KCNH1: variants seen among roughly 807,000 people sequenced by gnomAD.
KCNH1 encodes the protein potassium voltage-gated channel subfamily H member 1, also known as voltage-gated delayed rectifier potassium channel KCNH1.
A neutral mutation model predicts 69.2 loss-of-function variants in KCNH1; 27 were observed. That is an observed-to-expected ratio of 0.39 (90% CI 0.29 to 0.54). The LOEUF (loss-of-function observed/expected upper bound fraction) is 0.54, where lower values mean the gene tolerates loss of function less well. Ranked by LOEUF, KCNH1 falls within the 20% of genes least tolerant of loss-of-function variation. The probability of loss-of-function intolerance (pLI) is 0.68; values close to 1 mark genes in which losing one functional copy is unlikely to be tolerated. For missense variants in KCNH1, 798 were observed against 1,261.6 expected, an observed-to-expected ratio of 0.63 and a Z score of 5.57; for synonymous variants, 456 against 487.7, an observed-to-expected ratio of 0.93 and a Z score of 0.86.
chr1:211,133,741 C>T lies in KCNH1; in HGVS notation c.79+126G>A. Reference sequence around the variant, plus strand: ...CCTCGGGGAGGCTGCCCTGGGTGCCCGCGCCGCGGCTCCTTAGCAGAGCTC... The same window carrying T: ...CCTCGGGGAGGCTGCCCTGGGTGCCTGCGCCGCGGCTCCTTAGCAGAGCTC... On this transcript the variant is annotated intron_variant, in intron 1 of 10. Transcript: ENST00000271751. This position sits in a 1 kb window ranked among gnomAD's most constrained non-coding sequence, Gnocchi z 5.4. 1.2e-6 allele frequency: 1 copy of T among 855,810 alleles called. No homozygotes were observed. The highest frequency in any genetic ancestry group is 1.7e-5 in the African/African-American group (1 of 57,454). 53.0% of individuals were successfully genotyped at this position (855,810 alleles called of 1,614,324 possible). A position where few individuals can be genotyped will look rare whatever the true frequency, so the allele number is the denominator to read the frequency against.
chr1:211,049,206 A>G (rs1197445732), intron 5 of KCNH1, among the ~76,000 whole-genome samples: 2 of 152,238 alleles, frequency 1.3e-5, no homozygotes, highest in Non-Finnish European at 2.9e-5. Context: ...TTATTAAAAT[A>G]TAATGCAACA....
chr1:210,791,819 C>G (rs1460921444), intron 9 of KCNH1, among the ~76,000 whole-genome samples: 2 of 152,052 alleles, frequency 1.3e-5, no homozygotes, highest in Non-Finnish European at 2.9e-5. Flanking sequence ...CAGTAATATC[C>G]AAATAAGGTC....
At chr1:210,879,325 T>C (rs1394218820) in intron 7 of KCNH1, among the ~76,000 whole-genome samples, 4 of 152,016 alleles carry the variant, frequency 2.6e-5, no homozygotes, top group African/African-American at 9.7e-5. Context: ...AGTACACTTC[T>C]ATATCTCTCA....
intron 5 of KCNH1, among the ~76,000 whole-genome samples, chr1:211,073,169 A>G (rs1690677564): frequency 6.6e-6 from 1 of 152,218 alleles, no homozygotes; most frequent in Non-Finnish European, 1.5e-5. Flanking sequence ...AATTCTCAAA[A>G]AAGACATAAT....
chr1:210,915,134 ATTC>A (rs1330052285), intron 7 of KCNH1, among the ~76,000 whole-genome samples: 3 of 152,086 alleles, frequency 2.0e-5, no homozygotes, highest in African/African-American at 4.8e-5. Context: ...TCCCCTGACA[ATTC>A]TTCTTCCTTT....
At chr1:211,050,260 TAAAAAAAAAAAAAAA>T (rs747498526) in intron 5 of KCNH1, among the ~76,000 whole-genome samples, 1 of 58,574 alleles carries the variant, frequency 1.7e-5, no homozygotes, top group African/African-American at 7.1e-5. Flanking sequence ...CACACATTCT[TAAAAAAAAAAAAAAA>T]AAAAAAAAAA....
At chr1:210,783,956 T>C (rs1434150345) in intron 9 of KCNH1, among the ~76,000 whole-genome samples, 1 of 152,216 alleles carries the variant, frequency 6.6e-6, no homozygotes, top group Non-Finnish European at 1.5e-5. Context: ...TGAGCTTCCA[T>C]GTGTCTAATG....
At chr1:210,823,822 G>A (rs748093118) in intron 7 of KCNH1, among the ~76,000 whole-genome samples, 2 of 152,090 alleles carry the variant, frequency 1.3e-5, no homozygotes, top group African/African-American at 2.4e-5. Context: ...AGGCCTGAGC[G>A]CTTTATTACT....
At chr1:210,875,070 A>G (rs1686337743) in intron 7 of KCNH1, among the ~76,000 whole-genome samples, 1 of 152,234 alleles carries the variant, frequency 6.6e-6, no homozygotes, top group South Asian at 2.1e-4. Context: ...ATGGATACCT[A>G]TCAATGTAAT....
chr1:210,780,470 C>T (rs1683954135), intron 9 of KCNH1, among the ~76,000 whole-genome samples: 1 of 152,132 alleles, frequency 6.6e-6, no homozygotes, highest in African/African-American at 2.4e-5. Context: ...TTGCCAGGCA[C>T]TGTTCTAGGG....
intron 7 of KCNH1, among the ~76,000 whole-genome samples, chr1:210,893,355 A>G (rs1686790690): frequency 6.6e-6 from 1 of 152,098 alleles, no homozygotes; most frequent in South Asian, 2.1e-4. Context: ...CATTCTTTCT[A>G]GCATTCTTTC....
intron 10 of KCNH1, among the ~76,000 whole-genome samples, chr1:210,697,081 C>G: frequency 6.6e-6 from 1 of 152,228 alleles, no homozygotes; most frequent in African/African-American, 2.4e-5. Context: ...TGATGGTTTA[C>G]TCAGTCAGTC....
At chr1:211,066,733 T>C (rs1269191967) in intron 5 of KCNH1, among the ~76,000 whole-genome samples, 1 of 152,168 alleles carries the variant, frequency 6.6e-6, no homozygotes, top group Non-Finnish European at 1.5e-5. Flanking sequence ...GGAAATGACT[T>C]GCCTGACATC....
In KCNH1 at chr1:211,029,273, C is replaced by G. The variant is rs558445809; in HGVS notation, c.559-10017G>C. 3.3e-4 allele frequency among the ~76,000 whole-genome samples: 41 copies of G among 125,918 alleles called. 1 individual carries two copies. The highest frequency in any genetic ancestry group is 1.3e-3 in the African/African-American group (41 of 32,100). 82.6% of individuals were successfully genotyped at this position (125,918 alleles called of 152,430 possible). On this transcript the variant is annotated intron_variant, in intron 5 of 10. Coordinates refer to ENST00000271751, the MANE Select transcript of KCNH1 (RefSeq NM_172362.3). ...ACTTGAGCCCAGGAGTTCGAGGCTG[C>G]AGTGAGCTAGCATCACAGCACCACA...
intron 6 of KCNH1, among the ~76,000 whole-genome samples, chr1:211,003,007 G>A (rs901074123): frequency 3.9e-5 from 6 of 151,948 alleles, no homozygotes; most frequent in Non-Finnish European, 7.4e-5. Flanking sequence ...GGCCTGTTTC[G>A]GTATGACTTG....
chr1:210,752,446 C>A (rs1156731073), intron 10 of KCNH1, among the ~76,000 whole-genome samples: 1 of 152,184 alleles, frequency 6.6e-6, no homozygotes, highest in Non-Finnish European at 1.5e-5. Context: ...TATGTAGCTG[C>A]GCTTCATGAG....
intron 5 of KCNH1, among the ~76,000 whole-genome samples, chr1:211,060,321 A>G (rs1690410478): frequency 6.7e-6 from 1 of 149,054 alleles, no homozygotes; most frequent in Non-Finnish European, 1.5e-5. Flanking sequence ...GCATCTTATG[A>G]ACCCGGGAGG....
chr1:210,710,062 T>C (rs954590208), intron 10 of KCNH1, among the ~76,000 whole-genome samples: 5 of 152,188 alleles, frequency 3.3e-5, no homozygotes, highest in Non-Finnish European at 5.9e-5. Flanking sequence ...TAAACCAAGA[T>C]GGGATGGCCC....
intron 7 of KCNH1, among the ~76,000 whole-genome samples, chr1:210,863,696 G>A (rs1686033262): frequency 6.6e-6 from 1 of 152,146 alleles, no homozygotes; most frequent in East Asian, 1.9e-4. Context: ...TAGGAAATCG[G>A]GGAAAGTCAG....
Sources: gnomAD v4.1 joint callset for allele counts (sites outside exome capture counted in the v4.1 genomes callset) on GRCh38, gnomAD v4.1.1 for gene constraint, Gnocchi (gnomAD v3.1) non-coding constraint, MANE v1.5 for transcripts, NCBI Gene and HGNC (gene_info 2026-07-23, HGNC 2026-07-21) for gene names.